RERE: variants seen among roughly 807,000 people sequenced by gnomAD.
The protein encoded by RERE is arginine-glutamic acid dipeptide repeats, also known as arginine-glutamic acid dipeptide repeats protein.
RERE carries 40 observed loss-of-function variants against 146.1 expected under a neutral mutation model. The ratio of observed to expected loss-of-function variants is 0.27; its 90% confidence interval spans 0.21 to 0.36. RERE has a LOEUF of 0.36. Ranked by LOEUF, RERE falls within the 10% of genes least tolerant of loss-of-function variation. RERE has a pLI of 1.00. For synonymous variants in RERE, 1,003 were observed against 866.0 expected (o/e 1.16, Z -2.78); for missense variants, 1,933 against 2,138.7 (o/e 0.90, Z 1.90).
At chr1:8,809,137 T>TA (rs58263107) in intron 1 of RERE, among the ~76,000 whole-genome samples, 2,926 of 94,888 alleles carry the variant, frequency 0.031, 61 homozygotes, top group Non-Finnish European at 0.037. Flanking sequence ...GACTTTGTCT[T>TA]AAAAAAAAAA....
At chr1:8,461,321 T>G (rs909325911) in intron 11 of RERE, among the ~76,000 whole-genome samples, 5 of 152,162 alleles carry the variant, frequency 3.3e-5, no homozygotes, top group Non-Finnish European at 7.3e-5. Context: ...ATAATATATG[T>G]GAAATTGATT....
At chr1:8,604,484 T>G (rs1388221434) in intron 4 of RERE, among the ~76,000 whole-genome samples, 1 of 144,110 alleles carries the variant, frequency 6.9e-6, no homozygotes, top group African/African-American at 2.5e-5. Context: ...GAGCTCCATC[T>G]CCACACAGAG....
At chr1:8,430,418 T>C (rs751966207) in intron 11 of RERE, among the ~76,000 whole-genome samples, 4 of 152,208 alleles carry the variant, frequency 2.6e-5, no homozygotes, top group Non-Finnish European at 5.9e-5. Flanking sequence ...AGCCAGTTAA[T>C]AGTTTAATGA....
chr1:8,391,398 A>T (rs1344170860), intron 12 of RERE, among the ~76,000 whole-genome samples: 1 of 152,122 alleles, frequency 6.6e-6, no homozygotes, highest in Non-Finnish European at 1.5e-5. Flanking sequence ...CAAGGTCCCC[A>T]TGACCTGACC....
At chr1:8,490,889 TAAG>T (rs1289324211) in intron 10 of RERE, among the ~76,000 whole-genome samples, 1 of 149,852 alleles carries the variant, frequency 6.7e-6, no homozygotes, top group African/African-American at 2.6e-5. Flanking sequence ...CACAGATTTA[TAAG>T]TAGTTTCACA....
intron 4 of RERE, among the ~76,000 whole-genome samples, chr1:8,602,631 G>A (rs72639666): frequency 2.6e-5 from 4 of 151,912 alleles, no homozygotes; most frequent in Non-Finnish European, 5.9e-5. Context: ...TCCTTTACAA[G>A]GGAGGTAGAA....
At chr1:8,788,654 C>T (rs1013122716) in intron 1 of RERE, among the ~76,000 whole-genome samples, 29 of 138,244 alleles carry the variant, frequency 2.1e-4, no homozygotes, top group Admixed American at 2.0e-3. Context: ...TGAGCCACTG[C>T]GCCCAGCCAG....
chr1:8,786,147 T>C, intron 1 of RERE: 3 of 519,668 alleles, frequency 5.8e-6, no homozygotes, highest in Non-Finnish European at 1.0e-5. Flanking sequence ...TGAGAGCAGC[T>C]ACTGTTTATT....
At chr1:8,790,099 G>A (rs1208977155) in intron 1 of RERE, among the ~76,000 whole-genome samples, 1 of 152,172 alleles carries the variant, frequency 6.6e-6, no homozygotes, top group East Asian at 1.9e-4. Flanking sequence ...TCCCACACCT[G>A]TTGGCTAGCT....
intron 1 of RERE, among the ~76,000 whole-genome samples, chr1:8,766,477 T>C (rs1392134196): frequency 2.7e-5 from 4 of 148,338 alleles, no homozygotes; most frequent in Middle Eastern, 3.5e-3. Flanking sequence ...GAGGTGGAGG[T>C]TGCAGTCAGC....
At position 8,361,117 on chromosome 1, in the gene RERE, T is replaced by C; in HGVS notation, c.2390A>G (p.His797Arg). 1.4e-6 allele frequency: 2 copies of C among 1,438,980 alleles called. No individual in the cohort carries two copies. The highest frequency in any genetic ancestry group is 1.5e-5 in the South Asian group (1 of 68,030). The allele number at this position is 1,438,980 out of a possible 1,614,324, so 89.1% of individuals were successfully genotyped here. A position where few individuals can be genotyped will look rare whatever the true frequency, so the allele number is the denominator to read the frequency against. The change falls in exon 18 of 23, where the codon CAC (histidine) becomes CGC (arginine). Residue 797 changes from histidine (H) to arginine (R), a missense_variant. Physicochemically the swap from His to Arg is conservative, Grantham distance 29. Around this residue, in one of 11 missense-constraint regions of RERE, gnomAD observed 1,255 missense variants for 1,153.8 expected, o/e 1.09. Transcript: ENST00000400908. ...QPQAPTAPVP[H>R]THIQQAPALH... ...GGCCGGTGCCTGTTGGATGTGGGTG[T>C]GGGGAACAGGCGCTGTGGGAGCCTG...
At chr1:8,416,467 T>A (rs922580365) in intron 12 of RERE, among the ~76,000 whole-genome samples, 2 of 151,318 alleles carry the variant, frequency 1.3e-5, no homozygotes, top group South Asian at 2.1e-4. Flanking sequence ...GCGCCTGTAG[T>A]CCCAGCTACT....
At chr1:8,394,101 T>C (rs1030920064) in intron 12 of RERE, among the ~76,000 whole-genome samples, 6 of 152,218 alleles carry the variant, frequency 3.9e-5, no homozygotes, top group East Asian at 3.8e-4. Context: ...ACCTATACTT[T>C]GGGAAAACCA....
chr1:8,616,513 T>C (rs1299602765), intron 3 of RERE, among the ~76,000 whole-genome samples: 1 of 152,220 alleles, frequency 6.6e-6, no homozygotes, highest in Non-Finnish European at 1.5e-5. Flanking sequence ...GCACAGTAGA[T>C]GGCTGCAAAT....
intron 1 of RERE, among the ~76,000 whole-genome samples, chr1:8,771,923 A>AAAAAAAGAAAG (rs1318886053): frequency 6.6e-6 from 1 of 151,554 alleles, no homozygotes; most frequent in Non-Finnish European, 1.5e-5. Flanking sequence ...AAAAAAAAAA[A>AAAAAAAGAAAG]AAAAAAGAAA....
At chr1:8,447,470 T>C (rs1160508218) in intron 11 of RERE, among the ~76,000 whole-genome samples, 1 of 152,216 alleles carries the variant, frequency 6.6e-6, no homozygotes, top group Non-Finnish European at 1.5e-5. Context: ...GACCTTCAGA[T>C]GGGGTTTCTG....
chr1:8,446,323 C>A (rs899359025), intron 11 of RERE, among the ~76,000 whole-genome samples: 2 of 152,092 alleles, frequency 1.3e-5, no homozygotes, highest in Non-Finnish European at 2.9e-5. Context: ...CTTGGTGAAT[C>A]TGAAGATTAC....
chr1:8,431,343 T>C (rs1644093047), intron 11 of RERE, among the ~76,000 whole-genome samples: 1 of 152,240 alleles, frequency 6.6e-6, no homozygotes, highest in Admixed American at 6.5e-5. Flanking sequence ...GTGAGGGATC[T>C]GGGTTGCGTG....
intron 2 of RERE, among the ~76,000 whole-genome samples, chr1:8,651,912 C>T (rs1412256521): frequency 6.6e-6 from 1 of 152,072 alleles, no homozygotes; most frequent in Non-Finnish European, 1.5e-5. Flanking sequence ...AACTCCTGGC[C>T]TCAAGTGATC....
Sources: allele counts gnomAD v4.1 joint callset (sites outside exome capture counted in the v4.1 genomes callset), GRCh38; gene constraint gnomAD v4.1.1; regional missense constraint gnomAD v4.1.1; transcripts MANE v1.5; gene names NCBI Gene and HGNC (gene_info 2026-07-23, HGNC 2026-07-21).